MALT1: variants seen among roughly 807,000 people sequenced by gnomAD.
MALT1 encodes MALT1 paracaspase.
MALT1 carries 36 observed loss-of-function variants against 85.5 expected under a neutral mutation model. The ratio of observed to expected loss-of-function variants is 0.42; its 90% CI spans 0.32 to 0.56. The LOEUF (loss-of-function observed/expected upper bound fraction) is 0.56. Among genes scored for constraint, MALT1 ranks in the 20% least tolerant of loss-of-function variants. The pLI is 0.10. For missense variants in MALT1, 716 were observed against 981.6 expected (o/e 0.73, Z 3.62); for synonymous variants, 359 against 361.3 (o/e 0.99, Z 0.07).
At chr18:58,704,045 T>C (rs1173937557) in intron 4 of MALT1, among the ~76,000 whole-genome samples, 2 of 152,236 alleles carry the variant, frequency 1.3e-5, no homozygotes, top group Non-Finnish European at 2.9e-5. Flanking sequence ...CATTCCATTG[T>C]ATGGATTGAC....
intron 4 of MALT1, among the ~76,000 whole-genome samples, chr18:58,704,537 A>C (rs1333752469): frequency 6.6e-6 from 1 of 152,162 alleles, no homozygotes; most frequent in South Asian, 2.1e-4. Flanking sequence ...GCTCACTGCA[A>C]CCTCTGCCTC....
Position 58,677,283 on chromosome 18 carries a change from G to GT in MALT1, c.210-3887_210-3886insT, listed in dbSNP as rs1555682031. Reference sequence around the variant, plus strand: ...ACTTCAATTTGATCTTTGTTCTTTTGGGGGGGAAGGAAAGCCAAGTGTTTT... The same window carrying GT: ...ACTTCAATTTGATCTTTGTTCTTTTGTGGGGGGAAGGAAAGCCAAGTGTTTT... On this transcript the variant is annotated intron_variant, in intron 1 of 16. Transcript: ENST00000649217. Among the ~76,000 whole-genome samples the GT allele has an allele frequency of 1.5e-4, 18 of 117,434 alleles. 1 individual carries two copies. The highest frequency in any genetic ancestry group is 8.5e-4 in the African/African-American group (18 of 21,088). The allele number at this position is 117,434 out of a possible 152,430, so 77.0% of individuals were successfully genotyped here.
chr18:58,744,748 C>G (rs1393459871), intron 15 of MALT1, among the ~76,000 whole-genome samples: 1 of 151,938 alleles, frequency 6.6e-6, no homozygotes, highest in Non-Finnish European at 1.5e-5. Context: ...AACACGAGAG[C>G]CAATGTGAAG....
intron 1 of MALT1, among the ~76,000 whole-genome samples, chr18:58,674,322 C>A (rs1458418449): frequency 5.3e-5 from 8 of 152,166 alleles, no homozygotes; most frequent in Admixed American, 5.2e-4. Flanking sequence ...GGCCACTTTT[C>A]TGTGGAGTCA....
intron 7 of MALT1, among the ~76,000 whole-genome samples, chr18:58,711,546 A>G (rs1225407215): frequency 1.3e-5 from 2 of 152,212 alleles, no homozygotes; most frequent in Non-Finnish European, 2.9e-5. Flanking sequence ...ATCTATTTCA[A>G]CATAAACTTC....
chr18:58,712,492 TA>T (rs981203638), intron 7 of MALT1, among the ~76,000 whole-genome samples: 9 of 152,068 alleles, frequency 5.9e-5, no homozygotes, highest in African/African-American at 2.2e-4. Context: ...CTATGGGAGC[TA>T]AAAAAGTTGA....
intron 13 of MALT1, among the ~76,000 whole-genome samples, chr18:58,738,756 T>C (rs2055259585): frequency 6.7e-6 from 1 of 149,814 alleles, no homozygotes; most frequent in African/African-American, 2.5e-5. Context: ...ATATCTTATG[T>C]GAAACATCTT....
chr18:58,722,977 A>G (rs548657230), intron 9 of MALT1, 71 bp from the exon 10 acceptor site: 3 of 973,684 alleles, frequency 3.1e-6, no homozygotes, highest in Non-Finnish European at 3.1e-6. Context: ...TTTTATTATA[A>G]TACCATCTCC....
At chr18:58,690,261 G>A (rs967532248) in intron 2 of MALT1, 27 of 152,520 alleles carry the variant, frequency 1.8e-4, no homozygotes, top group Admixed American at 1.4e-3. Flanking sequence ...TACTGTGATT[G>A]TTGGTGCCTG....
intron 10 of MALT1, 75 bp from the exon 11 acceptor site, chr18:58,733,322 A>G (rs991944923): frequency 4.7e-5 from 45 of 951,410 alleles, no homozygotes; most frequent in Non-Finnish European, 6.4e-5. Flanking sequence ...TTTTCTACAA[A>G]AAGTTATGCA....
At chr18:58,739,683 A>C (rs2144479328) in intron 13 of MALT1, among the ~76,000 whole-genome samples, 1 of 152,304 alleles carries the variant, frequency 6.6e-6, no homozygotes, top group South Asian at 2.1e-4. Context: ...TCTGGGGCTC[A>C]AACTACAACT....
At chr18:58,697,878 T>G (rs1448876874) in intron 3 of MALT1, among the ~76,000 whole-genome samples, 3 of 152,150 alleles carry the variant, frequency 2.0e-5, no homozygotes, top group African/African-American at 7.2e-5. Context: ...GACCAGAAGG[T>G]CTCTGCCCTC....
At chr18:58,687,051 T>C (rs2054415119) in intron 2 of MALT1, among the ~76,000 whole-genome samples, 2 of 152,234 alleles carry the variant, frequency 1.3e-5, no homozygotes, top group Admixed American at 1.3e-4. Context: ...TCTGTATTAT[T>C]ACCTCAGTTG....
rs376577426 is a variant in MALT1 at position 58,721,826 on chromosome 18, A to T, written c.1019-1222A>T. 6.6e-5 allele frequency among the ~76,000 whole-genome samples: 10 copies of T among 152,366 alleles called. 1 individual carries two copies. Among genetic ancestry groups the T allele is most frequent in the African/African-American group, 2.4e-4 (10 of 41,590 alleles). On this transcript the variant is annotated intron_variant, in intron 9 of 16. Coordinates refer to ENST00000649217, the MANE Select transcript of MALT1 (RefSeq NM_006785.4). ...CTTCATAAGAGTAGTATTCATAATA[A>T]CTTACAAATAAACTACTTAGCAGCA...
rs148917615 is a variant in MALT1 at position 58,735,812 on chromosome 18, G to T, written c.1603+483G>T. On this transcript the variant is annotated intron_variant, in intron 13 of 16. Transcript: ENST00000649217. ...ATTTTTTTCCCTGATGAACTTAGTA[G>T]TTTTTAAATCCTGATTTAAGGATGT... 7.6e-3 allele frequency among the ~76,000 whole-genome samples: 1,157 copies of T among 152,212 alleles called. 21 individuals carry two copies. The highest frequency in any genetic ancestry group is 0.027 in the African/African-American group (1,120 of 41,518).
intron 13 of MALT1, among the ~76,000 whole-genome samples, chr18:58,736,147 G>A (rs2055218467): frequency 6.6e-6 from 1 of 152,050 alleles, no homozygotes; most frequent in Non-Finnish European, 1.5e-5. Context: ...AAATAAAAAA[G>A]AAGAAATTAT....
chr18:58,739,513 G>T (rs1217543804), intron 13 of MALT1, among the ~76,000 whole-genome samples: 6 of 152,130 alleles, frequency 3.9e-5, no homozygotes, highest in Admixed American at 3.9e-4. Context: ...CTAGGTGATG[G>T]ATCCAACATT....
rs773595275 is a variant in MALT1, at chr18:58,745,646, C to A, written c.1912-20C>A. The A allele has an allele frequency of 2.5e-6, 4 of 1,589,230 alleles. 1 individual carries two copies. The Admixed American group carries it at 6.8e-5, about 27-fold the overall frequency. ...TTCATTGATTTCATTATTAACAGTC[C>A]CTAATTTTTTTTTTTACAGGATCTA... On this transcript the variant is annotated intron_variant, in intron 15 of 16. Transcript: ENST00000649217.
chr18:58,690,848 A>G (rs1602287975), intron 2 of MALT1: 2 of 235,160 alleles, frequency 8.5e-6, no homozygotes, highest in Non-Finnish European at 1.8e-5. Context: ...CCACATAGAG[A>G]ACCAAGATGA....
Sources: allele counts gnomAD v4.1 joint callset (sites outside exome capture counted in the v4.1 genomes callset), GRCh38; gene constraint gnomAD v4.1.1; transcripts MANE v1.5; gene names NCBI Gene and HGNC (gene_info 2026-07-23, HGNC 2026-07-21).